Variants in NIBAN2 observed in about 807,000 individuals in gnomAD.
The protein encoded by NIBAN2 is niban apoptosis regulator 2, also known as protein Niban 2.
NIBAN2 carries 36 observed loss-of-function variants against 81.8 expected under a neutral mutation model. The ratio of observed to expected loss-of-function variants is 0.44; its 90% CI spans 0.34 to 0.58. The LOEUF is 0.58. Ranked by LOEUF, NIBAN2 falls within the 20% of genes least tolerant of loss-of-function variation. The probability of loss-of-function intolerance (pLI) is 0.02; values close to 1 mark genes in which losing one functional copy is unlikely to be tolerated. For missense variants in NIBAN2, 897 were observed against 1,014.1 expected (o/e 0.88, Z 1.57); for synonymous variants, 445 against 441.6 (o/e 1.01, Z -0.10).
chr9:127,506,681 C>T lies in NIBAN2; in HGVS notation c.*164G>A. On this transcript the variant is annotated 3_prime_UTR_variant, in exon 14 of 14. Coordinates refer to ENST00000373312, the MANE Select transcript of NIBAN2 (RefSeq NM_022833.4). ...AGGGAGCAAGAAAGTGTTGACTGAA[C>T]CCAATAAAGTGACTCAGGTGGGCCC... is the stretch of plus-strand genomic sequence containing the variant. The T allele has an allele frequency of 2.0e-6, 1 of 510,100 alleles. No homozygotes were observed. The highest frequency in any genetic ancestry group is 3.4e-6 in the Non-Finnish European group (1 of 293,414). The allele number at this position is 510,100 out of a possible 1,614,324, so 31.6% of individuals were successfully genotyped here. A position where few individuals can be genotyped will look rare whatever the true frequency, so the allele number is the denominator to read the frequency against.
Position 127,507,656 on chromosome 9 carries a change from A to T in NIBAN2, c.1654+211T>A, listed in dbSNP as rs927601075. ...AATCACTCCTCTGACCCTCCCAGCA[A>T]AGCCAAGGACGCGAGAAGAAACTAA... On this transcript the variant is annotated intron_variant, in intron 13 of 13. Coordinates refer to ENST00000373312, the MANE Select transcript of NIBAN2 (RefSeq NM_022833.4). This position sits in a 1 kb window ranked among gnomAD's most constrained non-coding sequence, Gnocchi z 6.8. Among the ~76,000 whole-genome samples, 1 of 152,168 alleles carries T rather than the reference A, an allele frequency of 6.6e-6. No homozygotes were observed. The highest frequency in any genetic ancestry group is 6.5e-5 in the Admixed American group (1 of 15,282).
At chr9:127,514,335 G>C (rs1836786905) in intron 8 of NIBAN2, among the ~76,000 whole-genome samples, 1 of 151,418 alleles carries the variant, frequency 6.6e-6, no homozygotes, top group Non-Finnish European at 1.5e-5. Context: ...ATAAATGCTT[G>C]AGGGGATAGA....
chr9:127,507,237 G>T lies in NIBAN2; in HGVS notation c.1849C>A (p.Arg617=). Residue 617 remains arginine (R), a synonymous_variant, in exon 14 of 14, where the codon CGG becomes AGG. Coordinates refer to ENST00000373312, the MANE Select transcript of NIBAN2 (RefSeq NM_022833.4). The surrounding 1 kb of genome is among the most constrained non-coding windows in gnomAD (Gnocchi z 6.8). The stretch of plus-strand genomic sequence containing the variant: ...ACAGAGACCACCTGCTTGGCGCGCC[G>T]TCGCTTTTCCGAGAGGGTGGCTGAC... ...PESATLSEKR[R]RAKQVVSVVQ... The T allele has an allele frequency of 6.2e-7, 1 of 1,610,738 alleles. No individual in the cohort carries two copies. The highest frequency in any genetic ancestry group is 1.3e-5 in the African/African-American group (1 of 74,892).
Position 127,510,306 on chromosome 9 carries a change from C to A in NIBAN2, c.1001G>T (p.Cys334Phe). Residue 334 changes from cysteine (C) to phenylalanine (F), a missense_variant, in exon 9 of 14, where the codon TGC becomes TTC. Transcript: ENST00000373312. ...GTAGGGCTGGACATGGTTCCGCACG[C>A]ACACCTCTGCCTTGGGGAGGATGAA... ...RAFILPKAEV[C>F]VRNHVQPYIP... The A allele has an allele frequency of 1.2e-6, 2 of 1,613,070 alleles. No homozygotes were observed. The highest frequency in any genetic ancestry group is 1.7e-6 in the Non-Finnish European group (2 of 1,179,218).
In NIBAN2 at chr9:127,563,667, C is replaced by A. The variant is rs1239645194; in HGVS notation, c.55+5153G>T. 6.6e-6 allele frequency among the ~76,000 whole-genome samples: 1 copy of A among 152,096 alleles called. No individual in the cohort carries two copies. Among genetic ancestry groups the A allele is most frequent in the African/African-American group, 2.4e-5 (1 of 41,422 alleles). On this transcript the variant is annotated intron_variant, in intron 1 of 13. Transcript: ENST00000373312. This position sits in a 1 kb window ranked among gnomAD's most constrained non-coding sequence, Gnocchi z 4.1. ...CCTCCCAAGTAGCTGGGACTACAGG[C>A]ACGCACCACCAGGCCCGGCTAATTT...
chr9:127,571,471 G>A (rs1183218687), upstream of NIBAN2, among the ~76,000 whole-genome samples: 3 of 152,196 alleles, frequency 2.0e-5, no homozygotes, highest in Non-Finnish European at 4.4e-5. Flanking sequence ...GCCGAGGCAG[G>A]CAGATCACGA....
intron 9 of NIBAN2, 56 bp from the exon 10 acceptor site, chr9:127,509,187 C>T: frequency 1.3e-6 from 2 of 1,515,438 alleles, no homozygotes; most frequent in Non-Finnish European, 8.9e-7. Flanking sequence ...CCAGGCAGCA[C>T]CCCCCACACA....
intron 5 of NIBAN2, among the ~76,000 whole-genome samples, chr9:127,522,868 A>G (rs773697889): frequency 4.1e-4 from 62 of 151,766 alleles, no homozygotes; most frequent in Non-Finnish European, 2.1e-4. Context: ...ACACACCCTC[A>G]GGCTCCCAGG....
At position 127,507,513 on chromosome 9, in the gene NIBAN2, C is replaced by G. The variant is rs534944272; in HGVS notation, c.1655-82G>C. On this transcript the variant is annotated intron_variant, in intron 13 of 13. Coordinates refer to ENST00000373312, the MANE Select transcript of NIBAN2 (RefSeq NM_022833.4). The surrounding 1 kb of genome is among the most constrained non-coding windows in gnomAD (Gnocchi z 6.8). ...TGCTGGACTCTGCTCAAAGAAGACC[C>G]GTCTCATCCCGCCTTGGGGGTCTGT... 3 of 1,192,370 alleles carry G rather than the reference C, an allele frequency of 2.5e-6. No individual in the cohort carries two copies. The highest frequency in any genetic ancestry group is 2.3e-6 in the Non-Finnish European group (2 of 868,692). 73.9% of individuals were successfully genotyped at this position (1,192,370 alleles called of 1,614,324 possible).
intron 1 of NIBAN2, among the ~76,000 whole-genome samples, chr9:127,560,854 C>T (rs1015242511): frequency 1.3e-5 from 2 of 152,208 alleles, no homozygotes; most frequent in African/African-American, 4.8e-5. Flanking sequence ...CCAGCCCTGC[C>T]TTTGGAAGGC....
rs969563135 is a variant in NIBAN2, at chr9:127,508,265, C to T, written c.1435-65G>A. ...GGCTCCATTGGCCCTGAGGGTAGGACGAGGCCAGTGGTCTGACCCAAGCCT... is the reference window on the plus strand; with the variant it reads ...GGCTCCATTGGCCCTGAGGGTAGGATGAGGCCAGTGGTCTGACCCAAGCCT... On this transcript the variant is annotated intron_variant, in intron 11 of 13. Coordinates refer to ENST00000373312, the MANE Select transcript of NIBAN2 (RefSeq NM_022833.4). The surrounding 1 kb of genome is among the most constrained non-coding windows in gnomAD (Gnocchi z 6.4). 1.1e-5 allele frequency: 16 copies of T among 1,437,630 alleles called. No individual in the cohort carries two copies. Among genetic ancestry groups the T allele is most frequent in the African/African-American group, 5.6e-5 (4 of 71,596 alleles). 89.1% of individuals were successfully genotyped at this position (1,437,630 alleles called of 1,614,324 possible).
intron 9 of NIBAN2, 51 bp from the exon 10 acceptor site, chr9:127,509,182 C>G (rs777528402): frequency 6.5e-7 from 1 of 1,533,830 alleles, no homozygotes; most frequent in Admixed American, 1.9e-5. Context: ...TGTGGCCAGG[C>G]AGCACCCCCC....
Position 127,523,831 on chromosome 9 carries a change from G to A in NIBAN2, c.437C>T (p.Ser146Leu), listed in dbSNP as rs148122479. The change falls in exon 5 of 14, where the codon TCG becomes TTG. Residue 146 changes from serine to leucine, a missense_variant. By Grantham distance (145) the Ser-to-Leu change is moderately radical. Transcript: ENST00000373312. Reference protein sequence around the residue: ...GNSLPGTTAKSGSAPILKCPT... With the variant: ...GNSLPGTTAKLGSAPILKCPT... ...GCACTTGAGGATGGGGGCACTGCCC[G>A]ACTTTGCCGTGGTCCCTGTGGAGAC... The A allele has an allele frequency of 5.4e-4, 873 of 1,611,702 alleles. 2 individuals carry two copies. The highest frequency in any genetic ancestry group is 9.2e-4 in the South Asian group (84 of 91,048).
intron 1 of NIBAN2, among the ~76,000 whole-genome samples, chr9:127,558,049 T>C (rs1337665525): frequency 1.1e-5 from 1 of 94,380 alleles, no homozygotes; most frequent in East Asian, 3.1e-4. Context: ...GGGCTGCCCC[T>C]TCCCCCTCCT....
At position 127,508,021 on chromosome 9, in the gene NIBAN2, G is replaced by A. The variant is rs766780391; in HGVS notation, c.1543-43C>T. On this transcript the variant is annotated intron_variant, in intron 12 of 13. Transcript: ENST00000373312. The surrounding 1 kb of genome is among the most constrained non-coding windows in gnomAD (Gnocchi z 6.4). ...CAGAGATGAGAGGTCAGGGCCAAGG[G>A]TAGAGGGAGGCCTGTGGGCTCCATC... 5.6e-6 allele frequency: 9 copies of A among 1,611,638 alleles called. No individual in the cohort carries two copies. Among genetic ancestry groups the A allele is most frequent in the South Asian group, 1.1e-5 (1 of 91,038 alleles).
At position 127,508,905 on chromosome 9, in the gene NIBAN2, C is replaced by T. The variant is rs576371826; in HGVS notation, c.1317+71G>A. ...GCATGACGGGACGGAGCAGAAGGGA[C>T]CCCCTGGGCGAGGGGGCCTGTGGAA... On this transcript the variant is annotated intron_variant, in intron 10 of 13. Transcript: ENST00000373312. The surrounding 1 kb of genome is among the most constrained non-coding windows in gnomAD (Gnocchi z 6.4). 1.4e-4 allele frequency: 214 copies of T among 1,555,824 alleles called. No individual in the cohort carries two copies. In the African/African-American group the frequency reaches 2.2e-3, roughly 16 times the overall value.
At chr9:127,560,010 G>T (rs1344265197) in intron 1 of NIBAN2, among the ~76,000 whole-genome samples, 1 of 152,214 alleles carries the variant, frequency 6.6e-6, no homozygotes, top group Non-Finnish European at 1.5e-5. Context: ...CCAGAGAAGG[G>T]AGGGCAGCTG....
Position 127,517,147 on chromosome 9 carries a change from C to A in NIBAN2, c.775G>T (p.Gly259Trp). 1 of 1,614,052 alleles carries A rather than the reference C, an allele frequency of 6.2e-7. No homozygotes were observed. Among genetic ancestry groups the A allele is most frequent in the Non-Finnish European group, 8.5e-7 (1 of 1,179,972 alleles). Residue 259 changes from glycine (G) to tryptophan (W), a missense_variant, in exon 7 of 14, where the codon GGG becomes TGG. Gly to Trp is a radical substitution (Grantham distance 184). This residue lies in a region of NIBAN2 where 619 missense variants were observed against 691.0 expected (regional missense o/e 0.90). Coordinates refer to ENST00000373312, the MANE Select transcript of NIBAN2 (RefSeq NM_022833.4). The surrounding 1 kb of genome is among the most constrained non-coding windows in gnomAD (Gnocchi z 4.0). ...LKAELGPRLK[G>W]KPQERQRQWI... Reference sequence around the variant, plus strand: ...TGCCGCTGCCGCTCCTGCGGTTTCCCCTTCAGCCGCGGGCCGAGCTCTGCC... The same window carrying A: ...TGCCGCTGCCGCTCCTGCGGTTTCCACTTCAGCCGCGGGCCGAGCTCTGCC...
chr9:127,523,195 ATATATATATATATATATATATATAT>A (rs1564301388), intron 5 of NIBAN2, among the ~76,000 whole-genome samples: 228 of 4,562 alleles, frequency 0.05, 70 homozygotes, highest in African/African-American at 0.11. Context: ...AAAAAAAAAT[ATATATATATATATATATATATATAT>A]ATATATATAT....
Sources: allele counts gnomAD v4.1 joint callset (sites outside exome capture counted in the v4.1 genomes callset), GRCh38; gene constraint gnomAD v4.1.1; regional missense constraint gnomAD v4.1.1; non-coding constraint Gnocchi (gnomAD v3.1); transcripts MANE v1.5; gene names NCBI Gene and HGNC (gene_info 2026-07-23, HGNC 2026-07-21).